Variants in BBS9 observed in about 807,000 individuals in gnomAD.
The protein encoded by BBS9 is protein PTHB1.
BBS9 carries 89 observed loss-of-function variants against 117.7 expected under a neutral mutation model. The ratio of observed to expected loss-of-function variants is 0.76; its 90% CI spans 0.64 to 0.90. The LOEUF (loss-of-function observed/expected upper bound fraction) is 0.90, where lower values mean the gene tolerates loss of function less well. Among genes scored for constraint, BBS9 ranks in the 40% least tolerant of loss-of-function variants. BBS9 has a pLI of 0.00. For synonymous variants in BBS9, 379 were observed against 370.9 expected (o/e 1.02, Z -0.25); for missense variants, 982 against 1,042.2 (o/e 0.94, Z 0.80).
intron 5 of BBS9, among the ~76,000 whole-genome samples, chr7:33,235,593 T>C (rs770415928): frequency 1.3e-5 from 2 of 152,192 alleles, no homozygotes; most frequent in Non-Finnish European, 2.9e-5. Flanking sequence ...TAAAGATGCA[T>C]TAAAATGTAG....
chr7:33,227,365 C>G (rs977659030), intron 5 of BBS9, among the ~76,000 whole-genome samples: 9 of 152,048 alleles, frequency 5.9e-5, no homozygotes, highest in African/African-American at 2.2e-4. Context: ...CCAGGCTAGT[C>G]TCAAACTCTT....
rs1327389794 is a variant in BBS9 at position 33,364,228 on chromosome 7, G to A, written c.1694-3539G>A. Among the ~76,000 whole-genome samples, 3 of 31,942 alleles carry A rather than the reference G, an allele frequency of 9.4e-5. 1 individual carries two copies. Among genetic ancestry groups the A allele is most frequent in the Non-Finnish European group, 2.0e-4 (3 of 14,976 alleles). 21.0% of individuals were successfully genotyped at this position (31,942 alleles called of 152,430 possible). On this transcript the variant is annotated intron_variant, in intron 16 of 22. Transcript: ENST00000242067. The stretch of plus-strand genomic sequence containing the variant: ...CTCCCAAAGTGCTGGGATTACAGGC[G>A]TGAGCCACCGCGCCCGGCCTTCACT...
At chr7:33,528,368 T>C (rs895695546) in intron 20 of BBS9, among the ~76,000 whole-genome samples, 2 of 152,212 alleles carry the variant, frequency 1.3e-5, no homozygotes, top group African/African-American at 4.8e-5. Flanking sequence ...CTTTTCTCTC[T>C]CTCTTAGGTT....
At chr7:33,362,275 A>C (rs1820760555) in intron 16 of BBS9, among the ~76,000 whole-genome samples, 1 of 152,138 alleles carries the variant, frequency 6.6e-6, no homozygotes, top group Non-Finnish European at 1.5e-5. Context: ...AATCTTCATA[A>C]ACCCCCCCGT....
intron 5 of BBS9, among the ~76,000 whole-genome samples, chr7:33,210,953 C>A (rs1787893540): frequency 6.6e-6 from 1 of 152,126 alleles, no homozygotes; most frequent in Admixed American, 6.5e-5. Flanking sequence ...CAGTTTTTGT[C>A]TTGAATTATC....
At chr7:33,410,556 A>G (rs1316226265) in intron 19 of BBS9, among the ~76,000 whole-genome samples, 2 of 152,146 alleles carry the variant, frequency 1.3e-5, no homozygotes, top group South Asian at 2.1e-4. Context: ...ACTCTCAGCT[A>G]TGTCTCCCTC....
intron 21 of BBS9, among the ~76,000 whole-genome samples, chr7:33,613,082 CA>C (rs1864959384): frequency 6.6e-6 from 1 of 151,986 alleles, no homozygotes; most frequent in Admixed American, 6.6e-5. Flanking sequence ...AGTGGGGGAA[CA>C]GAGAAGAAAA....
intron 19 of BBS9, among the ~76,000 whole-genome samples, chr7:33,479,552 G>C (rs1842244457): frequency 6.6e-6 from 1 of 152,094 alleles, no homozygotes; most frequent in Non-Finnish European, 1.5e-5. Flanking sequence ...TTGCTATTGT[G>C]AATAGCATTG....
chr7:33,446,508 A>G (rs189297648), intron 19 of BBS9, among the ~76,000 whole-genome samples: 1 of 152,342 alleles, frequency 6.6e-6, no homozygotes, highest in African/African-American at 2.4e-5. Context: ...TGAGGTATCA[A>G]TTTCACACCT....
At chr7:33,585,529 T>G (rs1860736945) in intron 21 of BBS9, among the ~76,000 whole-genome samples, 1 of 152,090 alleles carries the variant, frequency 6.6e-6, no homozygotes, top group Admixed American at 6.6e-5. Flanking sequence ...AGCAAGTCAC[T>G]TAAGCTTTTT....
intron 1 of BBS9, among the ~76,000 whole-genome samples, chr7:33,135,159 T>C (rs1286937408): frequency 6.6e-6 from 1 of 152,248 alleles, no homozygotes. Flanking sequence ...CTCAAAGTAT[T>C]GGAATTACAG....
chr7:33,408,191 C>G (rs1830422372), intron 19 of BBS9, among the ~76,000 whole-genome samples: 1 of 152,222 alleles, frequency 6.6e-6, no homozygotes, highest in Non-Finnish European at 1.5e-5. Context: ...TGATCTCAGA[C>G]TGCTGTGCTA....
chr7:33,294,359 G>GTCCATCCATCCATCCA (rs111245225), intron 9 of BBS9, among the ~76,000 whole-genome samples: 1 of 139,694 alleles, frequency 7.2e-6, no homozygotes, highest in East Asian at 2.1e-4. Context: ...CTATCTCTTT[G>GTCCATCCATCCATCCA]TCCATCCATC....
intron 19 of BBS9, among the ~76,000 whole-genome samples, chr7:33,466,959 C>T (rs1563214320): frequency 6.6e-6 from 1 of 152,054 alleles, no homozygotes; most frequent in Non-Finnish European, 1.5e-5. Flanking sequence ...AGTATCAGGA[C>T]CCCTTCCTCC....
intron 19 of BBS9, among the ~76,000 whole-genome samples, chr7:33,494,021 G>GTAGC (rs1172229411): frequency 6.6e-6 from 1 of 152,174 alleles, no homozygotes; most frequent in Non-Finnish European, 1.5e-5. Flanking sequence ...GGAGATACTA[G>GTAGC]TAGCCTAAGT....
intron 20 of BBS9, among the ~76,000 whole-genome samples, chr7:33,524,608 T>C (rs1490526664): frequency 6.6e-6 from 1 of 152,178 alleles, no homozygotes. Context: ...CCCTTTATCA[T>C]TTTTTATTGC....
chr7:33,390,660 T>C (rs1826907852), intron 19 of BBS9: 1 of 906,230 alleles, frequency 1.1e-6, no homozygotes, highest in Non-Finnish European at 1.3e-6. Context: ...GTTTAGTCAG[T>C]TTTTTAATGA....
At chr7:33,379,041 T>C (rs1446967272) in intron 17 of BBS9, among the ~76,000 whole-genome samples, 1 of 152,206 alleles carries the variant, frequency 6.6e-6, no homozygotes, top group Non-Finnish European at 1.5e-5. Flanking sequence ...AATACCTACA[T>C]GGGTGATTTA....
At chr7:33,474,628 C>T (rs1841543060) in intron 19 of BBS9, among the ~76,000 whole-genome samples, 1 of 152,078 alleles carries the variant, frequency 6.6e-6, no homozygotes, top group Non-Finnish European at 1.5e-5. Flanking sequence ...CTCTTTCTGT[C>T]TATGCTCCTT....
Sources: gnomAD v4.1 joint callset for allele counts (sites outside exome capture counted in the v4.1 genomes callset) on GRCh38, gnomAD v4.1.1 for gene constraint, MANE v1.5 for transcripts, NCBI Gene and HGNC (gene_info 2026-07-23, HGNC 2026-07-21) for gene names.